The following CSGALNACT1 variants were observed in gnomAD, a reference collection of about 807,000 sequenced individuals.
The protein encoded by CSGALNACT1 is chondroitin sulfate N-acetylgalactosaminyltransferase 1.
Under a neutral mutation model 51.0 loss-of-function variants are expected in CSGALNACT1, and 52 were observed. The observed-to-expected ratio is 1.02, with a 90% CI of 0.82 to 1.29. The LOEUF is 1.29. Among genes scored for constraint, CSGALNACT1 ranks in the 50% most tolerant of loss-of-function variants. The pLI, the probability that CSGALNACT1 is intolerant of heterozygous loss-of-function variation, is 0.00. For missense variants in CSGALNACT1, 935 were observed against 679.2 expected, an observed-to-expected ratio of 1.38 and a Z score of -4.19; for synonymous variants, 341 against 254.4, an observed-to-expected ratio of 1.34 and a Z score of -3.24.
intron 1 of CSGALNACT1, among the ~76,000 whole-genome samples, chr8:19,644,191 C>A (rs1223443919): frequency 3.3e-5 from 5 of 152,070 alleles, no homozygotes; most frequent in African/African-American, 1.2e-4. Context: ...ACACAGTGCA[C>A]ACACACGGAT....
At position 19,474,467 on chromosome 8, in the gene CSGALNACT1, T is replaced by A. The variant is rs530065931; in HGVS notation, c.635-15825A>T. Among the ~76,000 whole-genome samples the A allele has an allele frequency of 1.3e-4, 20 of 152,246 alleles. No individual in the cohort carries two copies. The South Asian group carries it at 3.1e-3, about 24-fold the overall frequency. ...AATAACATATCATTTCTTGCAATCA[T>A]TGTAGGGTCTTAAGGGCAGTGACTA... On this transcript the variant is annotated intron_variant, in intron 4 of 9. Transcript: ENST00000454498.
chr8:19,420,297 A>T (rs1347927284), intron 7 of CSGALNACT1, 43 bp downstream of exon 6: 1 of 1,597,004 alleles, frequency 6.3e-7, no homozygotes, highest in Non-Finnish European at 8.6e-7. Flanking sequence ...TGGGCCCGAG[A>T]GGGCTGGGGG....
At chr8:19,653,260 T>C (rs1410110752) in intron 1 of CSGALNACT1, among the ~76,000 whole-genome samples, 2 of 152,118 alleles carry the variant, frequency 1.3e-5, no homozygotes, top group African/African-American at 4.8e-5. Context: ...AGTTCTCCTA[T>C]CCTTCTAAGG....
At chr8:19,514,047 T>G (rs185277018) in intron 3 of CSGALNACT1, among the ~76,000 whole-genome samples, 1 of 152,278 alleles carries the variant, frequency 6.6e-6, no homozygotes, top group East Asian at 1.9e-4. Context: ...AGGTTTCTTT[T>G]TTCCATTGAG....
At chr8:19,489,713 A>G (rs1262442871) in intron 4 of CSGALNACT1, among the ~76,000 whole-genome samples, 1 of 152,200 alleles carries the variant, frequency 6.6e-6, no homozygotes, top group African/African-American at 2.4e-5. Context: ...CGAGGGTCCC[A>G]TATTGTCTTT....
intron 1 of CSGALNACT1, among the ~76,000 whole-genome samples, chr8:19,630,082 C>T (rs2055009609): frequency 6.6e-6 from 1 of 152,046 alleles, no homozygotes; most frequent in African/African-American, 2.4e-5. Flanking sequence ...AGGCCTCTAC[C>T]CATCCAGGCC....
chr8:19,567,732 AG>A (rs1298314437), intron 3 of CSGALNACT1, among the ~76,000 whole-genome samples: 1 of 152,242 alleles, frequency 6.6e-6, no homozygotes, highest in Non-Finnish European at 1.5e-5. Context: ...CGTAGAAAAT[AG>A]GAAAAATCCA....
chr8:19,667,021 AAGG>A (rs1285241072), intron 1 of CSGALNACT1, among the ~76,000 whole-genome samples: 21 of 41,382 alleles, frequency 5.1e-4, no homozygotes, highest in African/African-American at 1.1e-3. Context: ...GAAAGAAAGG[AAGG>A]AAGGAAGGAA....
chr8:19,410,496 G>A (rs1320560179), intron 8 of CSGALNACT1, among the ~76,000 whole-genome samples: 1 of 152,178 alleles, frequency 6.6e-6, no homozygotes, highest in Non-Finnish European at 1.5e-5. Context: ...AGAAGTGCCA[G>A]TATCCAATCT....
intron 1 of CSGALNACT1, among the ~76,000 whole-genome samples, chr8:19,708,778 G>T (rs993213288): frequency 6.6e-6 from 1 of 152,150 alleles, no homozygotes; most frequent in African/African-American, 2.4e-5. Flanking sequence ...AGAGCTTCAG[G>T]AGGAAAAAGT....
chr8:19,657,317 G>C (rs1359857518), intron 1 of CSGALNACT1, among the ~76,000 whole-genome samples: 2 of 74,672 alleles, frequency 2.7e-5, no homozygotes, highest in Non-Finnish European at 5.6e-5. Flanking sequence ...TGAAAGACGT[G>C]AGGATGTCAA....
At chr8:19,486,313 C>T (rs2072922603) in intron 4 of CSGALNACT1, among the ~76,000 whole-genome samples, 1 of 152,108 alleles carries the variant, frequency 6.6e-6, no homozygotes, top group African/African-American at 2.4e-5. Flanking sequence ...TCATGGCTGC[C>T]TAATGGTGGT....
At chr8:19,732,579 A>C (rs534732137) in intron 1 of CSGALNACT1, 1 of 152,218 alleles carries the variant, frequency 6.6e-6, no homozygotes, top group Admixed American at 6.5e-5. Context: ...GGCACATGGT[A>C]GTGGCTCGAT....
intron 9 of CSGALNACT1, among the ~76,000 whole-genome samples, chr8:19,406,962 G>A (rs2054328583): frequency 6.6e-6 from 1 of 152,198 alleles, no homozygotes; most frequent in African/African-American, 2.4e-5. Flanking sequence ...GCCCACCTTG[G>A]CCTCCCAGAG....
At chr8:19,651,709 G>T (rs2057818674) in intron 1 of CSGALNACT1, among the ~76,000 whole-genome samples, 1 of 152,124 alleles carries the variant, frequency 6.6e-6, no homozygotes, top group African/African-American at 2.4e-5. Context: ...ATTGTGAATA[G>T]TGCTGCAATG....
chr8:19,617,845 A>G (rs902075519), intron 1 of CSGALNACT1, among the ~76,000 whole-genome samples: 1 of 152,198 alleles, frequency 6.6e-6, no homozygotes, highest in African/African-American at 2.4e-5. Flanking sequence ...TAGGCTTTTA[A>G]AAGAGGAACT....
At chr8:19,452,456 AG>A (rs1243275419) in intron 5 of CSGALNACT1, among the ~76,000 whole-genome samples, 2 of 151,234 alleles carry the variant, frequency 1.3e-5, no homozygotes, top group African/African-American at 2.4e-5. Context: ...ATTTGACATA[AG>A]CAAAGGAAAA....
intron 1 of CSGALNACT1, among the ~76,000 whole-genome samples, chr8:19,741,503 C>A (rs1163298261): frequency 7.0e-6 from 1 of 141,944 alleles, no homozygotes; most frequent in African/African-American, 2.7e-5. Context: ...GCGGAGGTTG[C>A]AGTGAGCCGA....
chr8:19,473,498 G>C (rs1484496329), intron 4 of CSGALNACT1, among the ~76,000 whole-genome samples: 1 of 152,096 alleles, frequency 6.6e-6, no homozygotes, highest in Non-Finnish European at 1.5e-5. Context: ...GCCTTCTGTG[G>C]TTGACCAACA....
Sources: allele counts gnomAD v4.1 joint callset (sites outside exome capture counted in the v4.1 genomes callset), GRCh38; gene constraint gnomAD v4.1.1; transcripts MANE v1.5; gene names NCBI Gene and HGNC (gene_info 2026-07-23, HGNC 2026-07-21).